The following PDE4B variants were observed in gnomAD, a reference collection of about 807,000 sequenced individuals.
PDE4B encodes 3',5'-cyclic-AMP phosphodiesterase 4B.
Under a neutral mutation model 82.2 loss-of-function variants are expected in PDE4B, and 20 were observed. The ratio of observed to expected loss-of-function variants is 0.24; its 90% confidence interval spans 0.17 to 0.35. PDE4B has a LOEUF of 0.35. Ranked by LOEUF, PDE4B falls within the 10% of genes least tolerant of loss-of-function variation. PDE4B has a pLI of 1.00. For missense variants in PDE4B, 655 were observed against 907.2 expected (o/e 0.72, Z 3.57); for synonymous variants, 320 against 318.9 (o/e 1.00, Z -0.04).
intron 3 of PDE4B, among the ~76,000 whole-genome samples, chr1:66,008,405 C>A (rs1652278060): frequency 6.6e-6 from 1 of 152,102 alleles, no homozygotes; most frequent in Non-Finnish European, 1.5e-5. Flanking sequence ...GATGAATTAT[C>A]TGTGTACCTG....
intron 3 of PDE4B, among the ~76,000 whole-genome samples, chr1:66,078,498 C>T (rs759722639): frequency 4.6e-5 from 7 of 152,120 alleles, no homozygotes; most frequent in African/African-American, 1.4e-4. Flanking sequence ...GTGTGACCCA[C>T]CAAGCCCGGC....
rs148701862 is a variant in PDE4B, at chr1:66,015,785, TCTC to T, written c.281+96953_281+96955del. ...AGGTGGGGGGTGTTTGATTAGAACT[TCTC>T]CTGGTATAAGGGGAGATTCTCTCAA... On this transcript the variant is annotated intron_variant, in intron 3 of 16. Coordinates refer to ENST00000341517, the MANE Select transcript of PDE4B (RefSeq NM_002600.4). Among the ~76,000 whole-genome samples the T allele has an allele frequency of 8.4e-3, 1,279 of 152,220 alleles. 43 individuals carry two copies. Among genetic ancestry groups the T allele is most frequent in the East Asian group, 0.081 (421 of 5,172 alleles).
chr1:66,301,403 C>A (rs565425704), intron 7 of PDE4B, among the ~76,000 whole-genome samples: 13 of 152,136 alleles, frequency 8.5e-5, no homozygotes, highest in African/African-American at 1.9e-4. Context: ...ATTTTCTCTC[C>A]ATTTGATCCT....
At chr1:65,844,697 C>T (rs1039337986) in intron 1 of PDE4B, among the ~76,000 whole-genome samples, 2 of 152,090 alleles carry the variant, frequency 1.3e-5, no homozygotes, top group Non-Finnish European at 2.9e-5. Flanking sequence ...AGTTTATTCT[C>T]CCCACAAACA....
At chr1:66,242,944 A>AT (rs1352871176) in intron 3 of PDE4B, among the ~76,000 whole-genome samples, 5 of 152,320 alleles carry the variant, frequency 3.3e-5, no homozygotes, top group African/African-American at 1.2e-4. Flanking sequence ...CACCAGGAGA[A>AT]TAACTGTGGG....
chr1:66,228,590 C>T (rs1355948990), intron 3 of PDE4B, among the ~76,000 whole-genome samples: 3 of 150,796 alleles, frequency 2.0e-5, no homozygotes, highest in African/African-American at 4.9e-5. Flanking sequence ...GATCGCGCCA[C>T]TGCACTCCAG....
intron 1 of PDE4B, among the ~76,000 whole-genome samples, chr1:65,795,542 C>G (rs186095647): frequency 1.5e-3 from 228 of 152,278 alleles, no homozygotes; most frequent in Non-Finnish European, 2.6e-3. Context: ...GGAGTGTGGT[C>G]AACAGATGGC....
At chr1:66,095,853 T>G (rs749635670) in intron 3 of PDE4B, among the ~76,000 whole-genome samples, 28 of 151,938 alleles carry the variant, frequency 1.8e-4, no homozygotes, top group Non-Finnish European at 2.8e-4. Context: ...ATCAACTACT[T>G]TAACTGCTTC....
At chr1:66,316,388 C>T (rs1344996431) in intron 7 of PDE4B, among the ~76,000 whole-genome samples, 1 of 152,130 alleles carries the variant, frequency 6.6e-6, no homozygotes, top group Non-Finnish European at 1.5e-5. Flanking sequence ...AACATCAAAC[C>T]TTCACTAATG....
intron 3 of PDE4B, among the ~76,000 whole-genome samples, chr1:66,208,331 G>T (rs555451666): frequency 2.5e-4 from 38 of 152,240 alleles, no homozygotes; most frequent in African/African-American, 9.1e-4. Flanking sequence ...TGCGTACCAT[G>T]TGGCAAACAA....
At chr1:66,248,179 A>C (rs540190137) in intron 4 of PDE4B, among the ~76,000 whole-genome samples, 5 of 152,326 alleles carry the variant, frequency 3.3e-5, no homozygotes, top group African/African-American at 9.6e-5. Context: ...TTGGTGAGAC[A>C]CAACACACTC....
At chr1:66,096,512 A>ATATATATATATATATG (rs1452715179) in intron 3 of PDE4B, among the ~76,000 whole-genome samples, 1 of 133,966 alleles carries the variant, frequency 7.5e-6, no homozygotes, top group African/African-American at 2.9e-5. Flanking sequence ...AAAAAATTAT[A>ATATATATATATATATG]TATATATATA....
At chr1:66,033,097 C>G (rs1184887169) in intron 3 of PDE4B, among the ~76,000 whole-genome samples, 1 of 152,062 alleles carries the variant, frequency 6.6e-6, no homozygotes, top group African/African-American at 2.4e-5. Flanking sequence ...GTGATGGTGG[C>G]TGGTCACCCA....
intron 3 of PDE4B, among the ~76,000 whole-genome samples, chr1:66,179,025 T>C (rs1481974223): frequency 6.6e-6 from 1 of 152,122 alleles, no homozygotes; most frequent in Non-Finnish European, 1.5e-5. Flanking sequence ...ATAATTTTTT[T>C]ATTTTTAGTA....
At chr1:66,303,426 T>C (rs1253787580) in intron 7 of PDE4B, among the ~76,000 whole-genome samples, 3 of 151,938 alleles carry the variant, frequency 2.0e-5, no homozygotes, top group Non-Finnish European at 4.4e-5. Flanking sequence ...TGTCACCTCA[T>C]AGACTTTTTG....
intron 3 of PDE4B, among the ~76,000 whole-genome samples, chr1:66,022,847 C>T (rs1303665343): frequency 1.3e-5 from 2 of 152,168 alleles, no homozygotes; most frequent in Non-Finnish European, 2.9e-5. Flanking sequence ...AGGATTCCCT[C>T]TTTTTCTATT....
intron 3 of PDE4B, among the ~76,000 whole-genome samples, chr1:66,172,372 T>A (rs12756993): frequency 0.17 from 25,885 of 152,234 alleles, 2,718 homozygotes; most frequent in East Asian, 0.42. Context: ...CTATGGTGAT[T>A]CTATGTCTTT....
intron 3 of PDE4B, among the ~76,000 whole-genome samples, chr1:66,017,738 C>T (rs1652857698): frequency 6.6e-6 from 1 of 152,260 alleles, no homozygotes; most frequent in Non-Finnish European, 1.5e-5. Context: ...AGATTAGAAA[C>T]TCAGCTGAGA....
intron 8 of PDE4B, chr1:66,354,336 A>C: frequency 1.1e-6 from 1 of 942,544 alleles, no homozygotes; most frequent in South Asian, 4.9e-5. Context: ...GAAATGGGGG[A>C]GGGTACTGAC....
Sources: allele counts gnomAD v4.1 joint callset (sites outside exome capture counted in the v4.1 genomes callset), GRCh38; gene constraint gnomAD v4.1.1; transcripts MANE v1.5; gene names NCBI Gene and HGNC (gene_info 2026-07-23, HGNC 2026-07-21).